The following GRIK1 variants were observed in gnomAD, a reference collection of about 807,000 sequenced individuals.
The protein encoded by GRIK1 is glutamate ionotropic receptor kainate type subunit 1, also known as glutamate receptor ionotropic, kainate 1.
Under a neutral mutation model 105.7 loss-of-function variants are expected in GRIK1, and 69 were observed. The observed-to-expected ratio is 0.65, with a 90% CI of 0.54 to 0.80. The LOEUF (loss-of-function observed/expected upper bound fraction) is 0.80, where lower values mean the gene tolerates loss of function less well. Among genes scored for constraint, GRIK1 ranks in the 30% least tolerant of loss-of-function variants. The probability of loss-of-function intolerance (pLI) is 0.00; values close to 1 mark genes in which losing one functional copy is unlikely to be tolerated. For synonymous variants in GRIK1, 438 were observed against 431.3 expected (o/e 1.02, Z -0.19); for missense variants, 1,109 against 1,167.3 (o/e 0.95, Z 0.73).
chr21:29,757,842 T>C (rs2065390900), intron 1 of GRIK1, among the ~76,000 whole-genome samples: 1 of 152,274 alleles, frequency 6.6e-6, no homozygotes, highest in South Asian at 2.1e-4. Context: ...TCCTCAGTTG[T>C]AATCTTAAGT....
chr21:29,827,873 G>A (rs142866480), intron 1 of GRIK1, among the ~76,000 whole-genome samples: 9 of 152,166 alleles, frequency 5.9e-5, no homozygotes, highest in Non-Finnish European at 1.2e-4. Flanking sequence ...TCTTGCCAGT[G>A]GTTACTTGTG....
At chr21:29,799,528 T>C (rs2066647393) in intron 1 of GRIK1, among the ~76,000 whole-genome samples, 1 of 150,138 alleles carries the variant, frequency 6.7e-6, no homozygotes, top group Non-Finnish European at 1.5e-5. Context: ...ATTTGTTTTT[T>C]GTTTGTTTGT....
chr21:29,801,733 T>C (rs944923012), intron 1 of GRIK1, among the ~76,000 whole-genome samples: 1 of 152,308 alleles, frequency 6.6e-6, no homozygotes, highest in Non-Finnish European at 1.5e-5. Flanking sequence ...TATAAAACAA[T>C]TCTCAATTCA....
At chr21:29,644,617 C>A (rs112837349) in intron 6 of GRIK1, among the ~76,000 whole-genome samples, 4,569 of 152,188 alleles carry the variant, frequency 0.03, 61 homozygotes, top group East Asian at 0.063. Context: ...TTACACTATC[C>A]ACTTTGTAGA....
At chr21:29,782,456 G>T (rs2066150118) in intron 1 of GRIK1, among the ~76,000 whole-genome samples, 1 of 152,152 alleles carries the variant, frequency 6.6e-6, no homozygotes, top group South Asian at 2.1e-4. Flanking sequence ...AACTAAGTGC[G>T]CCAAACACTT....
intron 1 of GRIK1, among the ~76,000 whole-genome samples, chr21:29,903,464 A>C (rs991427419): frequency 6.6e-6 from 1 of 152,160 alleles, no homozygotes; most frequent in African/African-American, 2.4e-5. Context: ...TCATCAAAAA[A>C]TGGTCAAAGA....
In GRIK1 at chr21:29,654,798, A is replaced by G. The variant is rs766922645; in HGVS notation, c.780+12T>C. ...CTACCATGTGGAATACATTTCTCCC[A>G]GATGCACTTACCAGGGTTGTGAAAA... is the stretch of plus-strand genomic sequence containing the variant. On this transcript the variant is annotated intron_variant, in intron 5 of 17. Coordinates refer to ENST00000327783, the MANE Select transcript of GRIK1 (RefSeq NM_001330994.2). The G allele has an allele frequency of 3.0e-5, 44 of 1,473,942 alleles. No individual in the cohort carries two copies. The highest frequency in any genetic ancestry group is 4.0e-5 in the Non-Finnish European group (42 of 1,051,796). 91.3% of individuals were successfully genotyped at this position (1,473,942 alleles called of 1,614,324 possible). A position where few individuals can be genotyped will look rare whatever the true frequency, so the allele number is the denominator to read the frequency against.
At chr21:29,913,672 AATAT>A (rs60924907) in intron 1 of GRIK1, among the ~76,000 whole-genome samples, 8 of 144,556 alleles carry the variant, frequency 5.5e-5, no homozygotes, top group Admixed American at 2.1e-4. Flanking sequence ...AGAAACACTA[AATAT>A]ATATATATAT....
At chr21:29,920,340 T>C (rs1031706340) in intron 1 of GRIK1, among the ~76,000 whole-genome samples, 2 of 152,066 alleles carry the variant, frequency 1.3e-5, no homozygotes, top group Non-Finnish European at 2.9e-5. Flanking sequence ...AAGAGCTAAA[T>C]TGTCACTGAG....
intron 7 of GRIK1, among the ~76,000 whole-genome samples, chr21:29,600,901 G>A (rs1037874634): frequency 2.0e-5 from 3 of 152,038 alleles, no homozygotes; most frequent in African/African-American, 4.8e-5. Flanking sequence ...GTAAATTTTC[G>A]TATTTATGCA....
chr21:29,828,987 T>C (rs1201741388), intron 1 of GRIK1, among the ~76,000 whole-genome samples: 1 of 152,140 alleles, frequency 6.6e-6, no homozygotes, highest in Non-Finnish European at 1.5e-5. Context: ...GTAATAGTCT[T>C]AAAAATCTGG....
rs115597097 is a variant in GRIK1, at chr21:29,655,148, C to T, written c.727-285G>A. 3.2e-3 allele frequency among the ~76,000 whole-genome samples: 490 copies of T among 152,288 alleles called. 4 individuals are homozygous for T. Among genetic ancestry groups the T allele is most frequent in the African/African-American group, 0.011 (467 of 41,562 alleles). On this transcript the variant is annotated intron_variant, in intron 4 of 17. Transcript: ENST00000327783. ...TTTGGGCCAGGTGCAGTGGCACAAG[C>T]CTTTAATCCCAGCACTTTGGGAGAC...
At chr21:29,917,027 T>G (rs2071023063) in intron 1 of GRIK1, among the ~76,000 whole-genome samples, 1 of 152,026 alleles carries the variant, frequency 6.6e-6, no homozygotes, top group Non-Finnish European at 1.5e-5. Context: ...TGTGTTTTTC[T>G]CGAAATCAAC....
chr21:29,696,109 C>G (rs897965939), intron 1 of GRIK1, among the ~76,000 whole-genome samples: 3 of 152,130 alleles, frequency 2.0e-5, no homozygotes, highest in Non-Finnish European at 4.4e-5. Flanking sequence ...AAATAACTAA[C>G]TACAGTGTTG....
intron 4 of GRIK1, among the ~76,000 whole-genome samples, chr21:29,669,166 A>G (rs1398849888): frequency 1.3e-5 from 2 of 152,220 alleles, no homozygotes; most frequent in Non-Finnish European, 2.9e-5. Context: ...GAATAGAAAT[A>G]ATTACTTTGC....
At chr21:29,914,184 G>T (rs542217004) in intron 1 of GRIK1, among the ~76,000 whole-genome samples, 73 of 152,082 alleles carry the variant, frequency 4.8e-4, no homozygotes, top group African/African-American at 1.7e-3. Flanking sequence ...AATAAAAAAT[G>T]CCACCACACA....
At chr21:29,621,458 C>T (rs1396210796) in intron 7 of GRIK1, among the ~76,000 whole-genome samples, 3 of 152,078 alleles carry the variant, frequency 2.0e-5, no homozygotes, top group Non-Finnish European at 2.9e-5. Flanking sequence ...ATTCTCAATT[C>T]AAAATGCAGA....
At chr21:29,648,973 G>A (rs2062672766) in intron 6 of GRIK1, among the ~76,000 whole-genome samples, 1 of 152,192 alleles carries the variant, frequency 6.6e-6, no homozygotes, top group Admixed American at 6.5e-5. Flanking sequence ...TTTAAATAGA[G>A]GCAACTTGAC....
intron 14 of GRIK1, among the ~76,000 whole-genome samples, chr21:29,570,481 G>A (rs145943066): frequency 0.031 from 4,628 of 150,868 alleles, 92 homozygotes; most frequent in African/African-American, 0.044. Flanking sequence ...CAGCATGGGC[G>A]ACAGGGTGAG....
Sources: allele counts gnomAD v4.1 joint callset (sites outside exome capture counted in the v4.1 genomes callset), GRCh38; gene constraint gnomAD v4.1.1; transcripts MANE v1.5; gene names NCBI Gene and HGNC (gene_info 2026-07-23, HGNC 2026-07-21).